AK8: variants seen among roughly 807,000 people sequenced by gnomAD.
The protein encoded by AK8 is adenylate kinase 8.
Under a neutral mutation model 54.6 loss-of-function variants are expected in AK8, and 44 were observed. The observed-to-expected ratio is 0.81, with a 90% CI of 0.63 to 1.04. The LOEUF (loss-of-function observed/expected upper bound fraction) is 1.04. Among genes scored for constraint, AK8 ranks in the 50% least tolerant of loss-of-function variants. AK8 has a pLI of 0.00. For missense variants in AK8, 555 were observed against 613.6 expected, an observed-to-expected ratio of 0.90 and a Z score of 1.01; for synonymous variants, 239 against 245.6, an observed-to-expected ratio of 0.97 and a Z score of 0.25.
chr9:132,820,144 G>GAA lies in AK8; in HGVS notation c.889+3059_889+3060dup, dbSNP rs35984099. Among the ~76,000 whole-genome samples the GAA allele has an allele frequency of 2.2e-3, 162 of 72,626 alleles. 2 individuals carry two copies. Among genetic ancestry groups the GAA allele is most frequent in the Middle Eastern group, 7.4e-3 (1 of 136 alleles). The allele number at this position is 72,626 out of a possible 152,430, so 47.6% of individuals were successfully genotyped here. On this transcript the variant is annotated intron_variant, in intron 9 of 12. Transcript: ENST00000298545. ...CAGCCTGGGTGACAGAGTAAGACCC[G>GAA]AAAAAAAAAAAAAAAAAAAGACAAA...
intron 10 of AK8, among the ~76,000 whole-genome samples, chr9:132,812,647 G>A (rs538012944): frequency 1.3e-5 from 2 of 150,810 alleles, no homozygotes; most frequent in East Asian, 1.9e-4. Context: ...TCCTCAGGAC[G>A]ACCTTGCAGG....
At chr9:132,852,697 G>A (rs1333900680) in intron 5 of AK8, among the ~76,000 whole-genome samples, 1 of 147,452 alleles carries the variant, frequency 6.8e-6, no homozygotes, top group East Asian at 2.0e-4. Flanking sequence ...TTGAACTTGG[G>A]AGGCAGAGGT....
Position 132,797,534 on chromosome 9 carries a change from G to C in AK8, c.980-4759C>G, listed in dbSNP as rs1266076736. Among the ~76,000 whole-genome samples the C allele has an allele frequency of 2.0e-5, 3 of 152,092 alleles. No individual in the cohort carries two copies. The East Asian group carries it at 5.8e-4, about 29-fold the overall frequency. ...ATTAAATATGCAGCCAAAAGAATGA[G>C]CACTAGCACCTGGGGTTTGTTGGGA... On this transcript the variant is annotated intron_variant, in intron 10 of 12. Coordinates refer to ENST00000298545, the MANE Select transcript of AK8 (RefSeq NM_152572.3).
chr9:132,867,221 A>G (rs1342115062), intron 2 of AK8, among the ~76,000 whole-genome samples: 1 of 152,180 alleles, frequency 6.6e-6, no homozygotes, highest in African/African-American at 2.4e-5. Flanking sequence ...CATAAATATC[A>G]AGAACAATTG....
At chr9:132,877,951 C>T in intron 1 of AK8, 1 of 1,199,896 alleles carries the variant, frequency 8.3e-7, no homozygotes, top group Non-Finnish European at 1.2e-6. Context: ...CCCCTTCCTC[C>T]CCCTGGGTCC....
intron 11 of AK8, among the ~76,000 whole-genome samples, chr9:132,792,055 A>C (rs1364676821): frequency 6.6e-6 from 1 of 152,196 alleles, no homozygotes; most frequent in Non-Finnish European, 1.5e-5. Flanking sequence ...CCAAAACGCC[A>C]AGCAATGGTG....
intron 2 of AK8, among the ~76,000 whole-genome samples, chr9:132,874,821 C>A (rs1422465421): frequency 6.6e-6 from 1 of 152,230 alleles, no homozygotes; most frequent in African/African-American, 2.4e-5. Flanking sequence ...TAATTGATTC[C>A]ATGGGTCATT....
intron 11 of AK8, among the ~76,000 whole-genome samples, chr9:132,778,857 TC>T: frequency 6.6e-6 from 1 of 152,142 alleles, no homozygotes; most frequent in Non-Finnish European, 1.5e-5. Flanking sequence ...CCAGTTTGCT[TC>T]AGTTTGAATT....
At chr9:132,845,833 T>G (rs1842727498) in intron 5 of AK8, among the ~76,000 whole-genome samples, 3 of 150,594 alleles carry the variant, frequency 2.0e-5, no homozygotes, top group Non-Finnish European at 3.0e-5. Flanking sequence ...GTTTGGGATA[T>G]CCAGCTGCAA....
intron 2 of AK8, among the ~76,000 whole-genome samples, chr9:132,872,377 C>T (rs1237858238): frequency 1.3e-5 from 2 of 152,038 alleles, no homozygotes; most frequent in Non-Finnish European, 2.9e-5. Context: ...GAGAAGAACA[C>T]AGGGCATGCA....
chr9:132,856,098 C>T lies in AK8; in HGVS notation c.334-1173G>A, dbSNP rs115249936. 4.6e-3 allele frequency among the ~76,000 whole-genome samples: 702 copies of T among 152,336 alleles called. 6 individuals are homozygous for T. The highest frequency in any genetic ancestry group is 0.015 in the African/African-American group (629 of 41,572). ...AGGAAGCAACTCTTCTCAGGGGAGT[C>T]GCTGAGGCCTGGCCTGTGCCTTTCC... On this transcript the variant is annotated intron_variant, in intron 4 of 12. Transcript: ENST00000298545.
At chr9:132,875,320 G>C in intron 1 of AK8, 121 bp from the exon 2 acceptor site, 1 of 1,493,568 alleles carries the variant, frequency 6.7e-7, no homozygotes, top group Non-Finnish European at 9.0e-7. Context: ...TTCAACCTGG[G>C]ACCCAGCCAC....
chr9:132,780,640 A>G lies in AK8; in HGVS notation c.1121+11994T>C, dbSNP rs557102640. Among the ~76,000 whole-genome samples, 56 of 152,324 alleles carry G rather than the reference A, an allele frequency of 3.7e-4. No homozygotes were observed. In the Middle Eastern group the frequency reaches 0.017, roughly 46 times the overall value. ...AAATTCAGAAACCACCACATCCTCA[A>G]AGGAACCTATATAGCAGTTTCCAGT... On this transcript the variant is annotated intron_variant, in intron 11 of 12. Coordinates refer to ENST00000298545, the MANE Select transcript of AK8 (RefSeq NM_152572.3).
intron 4 of AK8, among the ~76,000 whole-genome samples, chr9:132,855,284 T>C (rs951271651): frequency 2.0e-5 from 3 of 152,164 alleles, no homozygotes; most frequent in African/African-American, 7.2e-5. Flanking sequence ...CCGTGCTCCA[T>C]CATCCTGGAT....
intron 10 of AK8, among the ~76,000 whole-genome samples, chr9:132,795,108 T>C (rs899053557): frequency 2.6e-5 from 4 of 152,176 alleles, no homozygotes; most frequent in Non-Finnish European, 5.9e-5. Context: ...AGAACAGCCT[T>C]GGAAGTTAAA....
At chr9:132,801,854 G>A (rs1231129819) in intron 10 of AK8, among the ~76,000 whole-genome samples, 2 of 152,210 alleles carry the variant, frequency 1.3e-5, no homozygotes, top group African/African-American at 4.8e-5. Flanking sequence ...GAAAACTAAG[G>A]CACAGGAAGA....
chr9:132,783,633 A>T (rs926620841), intron 11 of AK8, among the ~76,000 whole-genome samples: 1 of 152,126 alleles, frequency 6.6e-6, no homozygotes, highest in Non-Finnish European at 1.5e-5. Context: ...GAATTACTCC[A>T]GGAAACATAA....
In AK8 at chr9:132,878,068, C is replaced by T. The variant is rs538168512; in HGVS notation, c.84+104G>A. ...ATCCCGAGTTGGGCTGCTTCGTGGG[C>T]GCGCGACTCGGCCCCAGCTGCGGGT... On this transcript the variant is annotated intron_variant, in intron 1 of 12. Transcript: ENST00000298545. This position sits in a 1 kb window ranked among gnomAD's most constrained non-coding sequence, Gnocchi z 4.7. The T allele has an allele frequency of 6.5e-7, 1 of 1,535,354 alleles. No individual in the cohort carries two copies. The highest frequency in any genetic ancestry group is 8.8e-7 in the Non-Finnish European group (1 of 1,136,094).
At chr9:132,864,920 C>T (rs796197066) in intron 3 of AK8, among the ~76,000 whole-genome samples, 2 of 152,210 alleles carry the variant, frequency 1.3e-5, no homozygotes, top group African/African-American at 4.8e-5. Context: ...TCCAGAAAAA[C>T]GAGTTCAACG....
Sources: gnomAD v4.1 joint callset for allele counts (sites outside exome capture counted in the v4.1 genomes callset) on GRCh38, gnomAD v4.1.1 for gene constraint, Gnocchi (gnomAD v3.1) non-coding constraint, MANE v1.5 for transcripts, NCBI Gene and HGNC (gene_info 2026-07-23, HGNC 2026-07-21) for gene names.